The following PRICKLE2 variants were observed in gnomAD, a reference collection of about 807,000 sequenced individuals.
PRICKLE2 encodes the protein prickle-like protein 2.
A neutral mutation model predicts 81.4 loss-of-function variants in PRICKLE2; 21 were observed. That is an observed-to-expected ratio of 0.26 (90% CI 0.18 to 0.37). The LOEUF (loss-of-function observed/expected upper bound fraction) is 0.37. Among genes scored for constraint, PRICKLE2 ranks in the 10% least tolerant of loss-of-function variants. PRICKLE2 has a pLI of 1.00. For missense variants in PRICKLE2, 940 were observed against 1,109.0 expected, an observed-to-expected ratio of 0.85 and a Z score of 2.16; for synonymous variants, 456 against 421.5, an observed-to-expected ratio of 1.08 and a Z score of -1.00.
intron 2 of PRICKLE2, among the ~76,000 whole-genome samples, chr3:64,234,870 C>T (rs2079157975): frequency 6.6e-6 from 1 of 152,086 alleles, no homozygotes; most frequent in Non-Finnish European, 1.5e-5. Context: ...TTTGAGCTTA[C>T]CTACTTGGAG....
At chr3:64,188,588 G>A (rs975972549) in intron 2 of PRICKLE2, among the ~76,000 whole-genome samples, 4 of 152,138 alleles carry the variant, frequency 2.6e-5, no homozygotes, top group African/African-American at 7.2e-5. Context: ...CCAAATCTGG[G>A]TAATCAAGCC....
intron 7 of PRICKLE2, chr3:64,105,775 A>C (rs959660678): frequency 3.3e-5 from 5 of 152,220 alleles, no homozygotes; most frequent in Non-Finnish European, 5.9e-5. Flanking sequence ...CTCCAACTTG[A>C]GAAGCACTCC....
chr3:64,167,201 G>A (rs779346285), intron 2 of PRICKLE2, among the ~76,000 whole-genome samples: 37 of 152,028 alleles, frequency 2.4e-4, no homozygotes, highest in Admixed American at 5.2e-4. Context: ...ATTTTTTTTG[G>A]AGTAAATAAG....
chr3:64,242,688 A>G (rs2079285332), intron 2 of PRICKLE2, among the ~76,000 whole-genome samples: 1 of 152,240 alleles, frequency 6.6e-6, no homozygotes, highest in Non-Finnish European at 1.5e-5. Flanking sequence ...ACATTGGGCC[A>G]TCATTGCTTT....
chr3:64,165,989 T>G (rs926779378), intron 2 of PRICKLE2, among the ~76,000 whole-genome samples: 1 of 150,740 alleles, frequency 6.6e-6, no homozygotes, highest in Non-Finnish European at 1.5e-5. Flanking sequence ...TGTGTGTGTG[T>G]GTGTGTGTGT....
intron 1 of PRICKLE2, among the ~76,000 whole-genome samples, chr3:64,203,111 A>G (rs2078618503): frequency 6.6e-6 from 1 of 152,244 alleles, no homozygotes; most frequent in African/African-American, 2.4e-5. Context: ...TAGTCTAACC[A>G]AACTGATTTT....
chr3:64,157,105 G>T, intron 5 of PRICKLE2, 57 bp downstream of exon 5: 1 of 1,478,122 alleles, frequency 6.8e-7, no homozygotes, highest in Non-Finnish European at 9.5e-7. Context: ...ACCATGTGTT[G>T]GCTATGGTGC....
chr3:64,095,405 T>G lies in PRICKLE2; in HGVS notation c.*3646A>C, dbSNP rs568019009. On this transcript the variant is annotated 3_prime_UTR_variant, in exon 8 of 8. Transcript: ENST00000638394. ...ATATGAATCAGTTCACAAATAAGAT[T>G]GGTTATCAGACCAATAAGATCAGTT... 2.0e-5 allele frequency: 3 copies of G among 152,312 alleles called. No homozygotes were observed. The highest frequency in any genetic ancestry group is 7.2e-5 in the African/African-American group (3 of 41,572). 9.4% of individuals were successfully genotyped at this position (152,312 alleles called of 1,614,324 possible). A position where few individuals can be genotyped will look rare whatever the true frequency, so the allele number is the denominator to read the frequency against.
intron 7 of PRICKLE2, among the ~76,000 whole-genome samples, chr3:64,140,453 C>A (rs1056840876): frequency 3.3e-5 from 5 of 152,194 alleles, no homozygotes; most frequent in Non-Finnish European, 5.9e-5. Context: ...GAACAGCCAC[C>A]CCTTACAGAA....
chr3:64,100,201 G>C (rs1190357404), intron 7 of PRICKLE2: 2 of 500,260 alleles, frequency 4.0e-6, no homozygotes, highest in African/African-American at 3.8e-5. Flanking sequence ...GTTACTAAGA[G>C]CCCACTGTGT....
chr3:64,163,225 C>A (rs2077763473), intron 2 of PRICKLE2, 96 bp from the exon 3 acceptor site: 4 of 807,498 alleles, frequency 5.0e-6, no homozygotes, highest in Non-Finnish European at 6.7e-6. Flanking sequence ...CAGGATGTAA[C>A]TGACTTCTGC....
intron 2 of PRICKLE2, among the ~76,000 whole-genome samples, chr3:64,231,615 C>G (rs2079104455): frequency 2.0e-5 from 3 of 152,138 alleles, no homozygotes; most frequent in Admixed American, 2.0e-4. Flanking sequence ...AACTCTCTGC[C>G]TCATAAAGTA....
chr3:64,157,935 C>A (rs767308082), intron 4 of PRICKLE2, among the ~76,000 whole-genome samples: 4 of 152,236 alleles, frequency 2.6e-5, no homozygotes, highest in African/African-American at 9.6e-5. Flanking sequence ...TTGATTGACA[C>A]GGCACCACTT....
intron 6 of PRICKLE2, among the ~76,000 whole-genome samples, chr3:64,149,883 T>C (rs1339043128): frequency 6.6e-6 from 1 of 150,832 alleles, no homozygotes; most frequent in East Asian, 1.9e-4. Context: ...TAAGAGGGGA[T>C]TTTTTTTTAT....
intron 2 of PRICKLE2, among the ~76,000 whole-genome samples, chr3:64,180,422 T>C (rs1398985543): frequency 1.3e-5 from 2 of 152,216 alleles, no homozygotes; most frequent in Non-Finnish European, 2.9e-5. Flanking sequence ...GAACTTCTTT[T>C]ATCTTCCCAT....
chr3:64,177,871 G>A (rs544814622), intron 2 of PRICKLE2, among the ~76,000 whole-genome samples: 6 of 152,276 alleles, frequency 3.9e-5, no homozygotes, highest in African/African-American at 7.2e-5. Flanking sequence ...GAATGTTGGC[G>A]TACAATTATG....
chr3:64,249,675 C>G (rs2079415749), intron 2 of PRICKLE2, among the ~76,000 whole-genome samples: 1 of 152,190 alleles, frequency 6.6e-6, no homozygotes, highest in Admixed American at 6.5e-5. Context: ...CTGTTCTATT[C>G]TACTTCCAGA....
At chr3:64,228,688 G>A (rs1026605043), upstream of PRICKLE2, among the ~76,000 whole-genome samples, 16 of 152,072 alleles carry the variant, frequency 1.1e-4, no homozygotes, top group Admixed American at 4.6e-4. Context: ...AACTTCATGC[G>A]AGTAAAGGCA....
At chr3:64,128,369 G>T (rs758057525) in intron 7 of PRICKLE2, among the ~76,000 whole-genome samples, 1 of 152,206 alleles carries the variant, frequency 6.6e-6, no homozygotes, top group Non-Finnish European at 1.5e-5. Context: ...CAAAGCCAGG[G>T]ATTCTCAAAG....
Sources: gnomAD v4.1 joint callset for allele counts (sites outside exome capture counted in the v4.1 genomes callset) on GRCh38, gnomAD v4.1.1 for gene constraint, MANE v1.5 for transcripts, NCBI Gene and HGNC (gene_info 2026-07-23, HGNC 2026-07-21) for gene names.